Variants in RNF149 observed in about 807,000 individuals in gnomAD.
The protein encoded by RNF149 is E3 ubiquitin-protein ligase RNF149.
RNF149 carries 21 observed loss-of-function variants against 39.0 expected under a neutral mutation model. The ratio of observed to expected loss-of-function variants is 0.54; its 90% CI spans 0.38 to 0.77. RNF149 has a LOEUF of 0.77. Among genes scored for constraint, RNF149 ranks in the 30% least tolerant of loss-of-function variants. The probability of loss-of-function intolerance (pLI) is 0.00; values close to 1 mark genes in which losing one functional copy is unlikely to be tolerated. For synonymous variants in RNF149, 209 were observed against 213.6 expected, an observed-to-expected ratio of 0.98 and a Z score of 0.19; for missense variants, 493 against 534.9, an observed-to-expected ratio of 0.92 and a Z score of 0.77.
chr2:101,288,398 C>T (rs1346882182), intron 4 of RNF149, among the ~76,000 whole-genome samples: 2 of 151,808 alleles, frequency 1.3e-5, no homozygotes, highest in Non-Finnish European at 2.9e-5. Flanking sequence ...CTACCACACC[C>T]GGCTAATTTT....
downstream of RNF149, among the ~76,000 whole-genome samples, chr2:101,275,546 A>G (rs1231946054): frequency 7.9e-6 from 1 of 127,370 alleles, no homozygotes; most frequent in African/African-American, 3.1e-5. Context: ...GGTTCACGCC[A>G]TTCTCCTGCC....
chr2:101,302,695 C>T (rs1261278011), intron 1 of RNF149, among the ~76,000 whole-genome samples: 3 of 152,132 alleles, frequency 2.0e-5, no homozygotes, highest in Non-Finnish European at 4.4e-5. Flanking sequence ...AAAACTCAAC[C>T]TCGGCCAGGT....
At chr2:101,305,728 G>C (rs1040517390) in intron 1 of RNF149, among the ~76,000 whole-genome samples, 1 of 152,180 alleles carries the variant, frequency 6.6e-6, no homozygotes, top group African/African-American at 2.4e-5. Flanking sequence ...GGGAGAGGGA[G>C]AGGAGGGGGA....
chr2:101,293,329 A>G (rs1048716211), intron 3 of RNF149, among the ~76,000 whole-genome samples: 3 of 152,198 alleles, frequency 2.0e-5, no homozygotes, highest in Non-Finnish European at 4.4e-5. Flanking sequence ...GAACCAAGTC[A>G]TAGCTGCAAG....
At chr2:101,300,997 T>C (rs10496353) in intron 1 of RNF149, among the ~76,000 whole-genome samples, 58,911 of 152,090 alleles carry the variant, frequency 0.39, 12,036 homozygotes, top group East Asian at 0.53. Flanking sequence ...CTTCCTTAAT[T>C]GGCACATGAG....
intron 3 of RNF149, among the ~76,000 whole-genome samples, chr2:101,290,053 GC>G (rs1217735953): frequency 1.3e-5 from 2 of 152,064 alleles, no homozygotes; most frequent in Non-Finnish European, 2.9e-5. Flanking sequence ...GGTGGTGTGT[GC>G]CTGTAGTCCC....
At position 101,295,050 on chromosome 2, in the gene RNF149, C is replaced by T. The variant is rs752636583; in HGVS notation, c.592G>A (p.Gly198Ser). 7.2e-5 allele frequency: 116 copies of T among 1,614,096 alleles called. No homozygotes were observed. The Admixed American group carries it at 8.2e-4, about 11-fold the overall frequency. ...GTRHVQEFIS[G>S]QSVVFVAIAF... Reference sequence around the variant, plus strand: ...ATGGCCACAAACACCACAGACTGACCGCTGATGAACTCCTGTACATGCCGG... The same window carrying T: ...ATGGCCACAAACACCACAGACTGACTGCTGATGAACTCCTGTACATGCCGG... Residue 198 changes from glycine to serine, a missense_variant, in exon 2 of 7, where the codon GGT becomes AGT. Gly to Ser is a moderately conservative substitution (Grantham distance 56). Transcript: ENST00000295317.
chr2:101,307,088 G>C (rs558873798), intron 1 of RNF149, among the ~76,000 whole-genome samples: 2 of 152,184 alleles, frequency 1.3e-5, no homozygotes, highest in East Asian at 3.9e-4. Flanking sequence ...AGGACATTTT[G>C]CAAAATAAGA....
At chr2:101,288,843 C>T (rs1056944243) in intron 4 of RNF149, 130 bp downstream of exon 4, 39 of 591,016 alleles carry the variant, frequency 6.6e-5, no homozygotes, top group Non-Finnish European at 1.1e-4. Context: ...ATCCAAGCTG[C>T]TTTTCTAAAA....
At chr2:101,274,285 C>G (rs1268270543), downstream of RNF149, among the ~76,000 whole-genome samples, 1 of 152,170 alleles carries the variant, frequency 6.6e-6, no homozygotes, top group Non-Finnish European at 1.5e-5. Flanking sequence ...ACGCTGGGTC[C>G]AGCATTTGCC....
chr2:101,306,010 C>CT (rs1426454364), intron 1 of RNF149, among the ~76,000 whole-genome samples: 2 of 152,114 alleles, frequency 1.3e-5, no homozygotes, highest in African/African-American at 4.8e-5. Context: ...ACTAAAAAGG[C>CT]TAGAATGGAC....
chr2:101,294,958 T>C lies in RNF149; in HGVS notation c.684A>G (p.Leu228=), dbSNP rs746673448. The C allele has an allele frequency of 3.7e-6, 6 of 1,613,778 alleles. 1 individual carries two copies. Among genetic ancestry groups the C allele is most frequent in the South Asian group, 2.2e-5 (2 of 91,052 alleles). The change falls in exon 2 of 7, where the codon CTA becomes CTG. Residue 228 remains leucine (L), a synonymous_variant. Coordinates refer to ENST00000295317, the MANE Select transcript of RNF149 (RefSeq NM_173647.4). ...GACTTCCAATCTGAGAGCCAGTATA[T>C]AGGAAACGCTGTATATAGTAAAATA... ...WLIFYYIQRF[L]YTGSQIGSQS...
rs1384886316 is a variant in RNF149, at chr2:101,293,895, G to A, written c.780+119C>T. The A allele has an allele frequency of 1.1e-5, 7 of 626,528 alleles. No homozygotes were observed. The African/African-American group carries it at 1.1e-4, about 10-fold the overall frequency. 38.8% of individuals were successfully genotyped at this position (626,528 alleles called of 1,614,324 possible). On this transcript the variant is annotated intron_variant, in intron 3 of 6. Transcript: ENST00000295317. Reference sequence around the variant, plus strand: ...GACTAGTGGCTACCATATTAATGCAGGTCTAGAAGGCCCTTCTCAATGACA... The same window carrying A: ...GACTAGTGGCTACCATATTAATGCAAGTCTAGAAGGCCCTTCTCAATGACA...
intron 2 of RNF149, 89 bp downstream of exon 2, chr2:101,294,842 T>C (rs879433870): frequency 3.6e-5 from 39 of 1,091,230 alleles, no homozygotes; most frequent in Non-Finnish European, 4.9e-5. Flanking sequence ...AAATCAAGAT[T>C]ATGGTCAAAT....
At chr2:101,274,625 G>A (rs947666156), downstream of RNF149, among the ~76,000 whole-genome samples, 6 of 152,158 alleles carry the variant, frequency 3.9e-5, no homozygotes, top group African/African-American at 1.4e-4. Flanking sequence ...GCTCGCCATC[G>A]ACAGCAATGT....
chr2:101,302,597 C>T (rs1157395578), intron 1 of RNF149, among the ~76,000 whole-genome samples: 1 of 152,156 alleles, frequency 6.6e-6, no homozygotes. Flanking sequence ...TGCTTTATCT[C>T]AGACCTTCTG....
chr2:101,277,809 A>G (rs752502102), intron 6 of RNF149, among the ~76,000 whole-genome samples: 87 of 152,238 alleles, frequency 5.7e-4, no homozygotes, highest in Non-Finnish European at 8.5e-4. Flanking sequence ...AGCCTAGCCA[A>G]CATTAATCTC....
chr2:101,308,575 C>T lies in RNF149; in HGVS notation c.14G>A (p.Arg5Gln). The T allele has an allele frequency of 6.4e-7, 1 of 1,557,048 alleles. No homozygotes were observed. The highest frequency in any genetic ancestry group is 8.6e-7 in the Non-Finnish European group (1 of 1,157,372). ...GCGAGCCCCGACGCTGGCTTCGCGCCGCCGCCACGCCATGGCAGCACCGCT... is the reference window on the plus strand; with the variant it reads ...GCGAGCCCCGACGCTGGCTTCGCGCTGCCGCCACGCCATGGCAGCACCGCT... The part of the protein sequence containing the change: MAWR[R>Q]REASVGARGV... Residue 5 changes from arginine (R) to glutamine (Q), a missense_variant, in exon 1 of 7, where the codon CGG becomes CAG. Transcript: ENST00000295317.
intron 3 of RNF149, among the ~76,000 whole-genome samples, chr2:101,290,252 T>G (rs1358152748): frequency 6.6e-6 from 1 of 152,238 alleles, no homozygotes; most frequent in Non-Finnish European, 1.5e-5. Context: ...AATACTATCA[T>G]TTATCATACA....
Sources: gnomAD v4.1 joint callset for allele counts (sites outside exome capture counted in the v4.1 genomes callset) on GRCh38, gnomAD v4.1.1 for gene constraint, MANE v1.5 for transcripts, NCBI Gene and HGNC (gene_info 2026-07-23, HGNC 2026-07-21) for gene names.